The following SCN7A variants were observed in gnomAD, a reference collection of about 807,000 sequenced individuals.
SCN7A encodes sodium voltage-gated channel alpha subunit 7.
A neutral mutation model predicts 155.2 loss-of-function variants in SCN7A; 138 were observed. That is an observed-to-expected ratio of 0.89 (90% CI 0.77 to 1.02). SCN7A has a LOEUF of 1.02. SCN7A is among the 50% of genes least tolerant of loss of function. SCN7A has a pLI of 0.00. For missense variants in SCN7A, 2,058 were observed against 1,986.6 expected (o/e 1.04, Z -0.68); for synonymous variants, 693 against 649.0 (o/e 1.07, Z -1.03).
At chr2:166,478,279 C>A (rs997944391) in intron 2 of SCN7A, among the ~76,000 whole-genome samples, 1 of 150,110 alleles carries the variant, frequency 6.7e-6, no homozygotes, top group Non-Finnish European at 1.5e-5. Context: ...TGCACGTATA[C>A]CCTAGAACTT....
intron 21 of SCN7A, among the ~76,000 whole-genome samples, chr2:166,414,160 ATATAT>A (rs1211226071): frequency 1.0e-4 from 6 of 59,736 alleles, no homozygotes; most frequent in Non-Finnish European, 1.5e-4. Flanking sequence ...AATATATATA[ATATAT>A]TATATATATG....
chr2:166,412,977 T>C, intron 22 of SCN7A, 91 bp downstream of exon 22: 1 of 957,002 alleles, frequency 1.0e-6, no homozygotes, highest in Non-Finnish European at 1.6e-6. Context: ...GCATTTGATT[T>C]CTATTCATTA....
intron 1 of SCN7A, among the ~76,000 whole-genome samples, chr2:166,488,434 G>A (rs971119390): frequency 5.9e-5 from 9 of 152,026 alleles, no homozygotes; most frequent in Admixed American, 1.3e-4. Flanking sequence ...TGAAGCTAAC[G>A]AAATTCTAAA....
chr2:166,413,177 T>G (rs979333809), intron 21 of SCN7A, 56 bp from the exon 22 acceptor site: 1 of 1,057,860 alleles, frequency 9.5e-7, no homozygotes, highest in Non-Finnish European at 1.4e-6. Context: ...AAAAGTAAAA[T>G]CTCAGTCTCT....
At chr2:166,462,706 G>A (rs932227140) in intron 9 of SCN7A, among the ~76,000 whole-genome samples, 176 bp from the exon 10 acceptor site, 1 of 152,166 alleles carries the variant, frequency 6.6e-6, no homozygotes, top group South Asian at 2.1e-4. Flanking sequence ...TAGATTATAA[G>A]TTGATACAGT....
chr2:166,462,968 A>ATAAAATACC (rs1702447942), intron 9 of SCN7A, among the ~76,000 whole-genome samples: 1 of 152,190 alleles, frequency 6.6e-6, no homozygotes, highest in Admixed American at 6.5e-5. Flanking sequence ...TTTTTCAAGA[A>ATAAAATACC]TAAAATACCT....
intron 11 of SCN7A, among the ~76,000 whole-genome samples, chr2:166,448,546 G>C (rs1702113900): frequency 6.6e-6 from 1 of 152,056 alleles, no homozygotes; most frequent in African/African-American, 2.4e-5. Flanking sequence ...TTCCATAATG[G>C]CTGTACTAAC....
intron 7 of SCN7A, among the ~76,000 whole-genome samples, chr2:166,466,718 C>T (rs962948115): frequency 2.6e-5 from 4 of 151,848 alleles, no homozygotes; most frequent in African/African-American, 9.7e-5. Flanking sequence ...CTCTTATTTG[C>T]TAGTCTGTGT....
At chr2:166,434,382 T>C (rs953668611) in intron 15 of SCN7A, among the ~76,000 whole-genome samples, 8 of 151,976 alleles carry the variant, frequency 5.3e-5, no homozygotes, top group Non-Finnish European at 1.0e-4. Context: ...TATATCAATA[T>C]GGGAAATGTT....
chr2:166,480,030 C>A (rs1004232846), intron 2 of SCN7A, among the ~76,000 whole-genome samples: 1 of 152,182 alleles, frequency 6.6e-6, no homozygotes, highest in Non-Finnish European at 1.5e-5. Flanking sequence ...CACACATATA[C>A]AAACATGCAT....
At chr2:166,423,806 C>T (rs1701563500) in intron 18 of SCN7A, among the ~76,000 whole-genome samples, 1 of 151,962 alleles carries the variant, frequency 6.6e-6, no homozygotes, top group Admixed American at 6.6e-5. Context: ...TCCAGGTAGC[C>T]AACTCACAGA....
chr2:166,417,147 C>G (rs1701396867), intron 20 of SCN7A, among the ~76,000 whole-genome samples, 162 bp from the exon 21 acceptor site: 1 of 152,090 alleles, frequency 6.6e-6, no homozygotes, highest in African/African-American at 2.4e-5. Flanking sequence ...ACTGGAATAA[C>G]CTAAATAGCA....
chr2:166,445,429 C>T (rs897219050), intron 12 of SCN7A, among the ~76,000 whole-genome samples: 7 of 151,846 alleles, frequency 4.6e-5, no homozygotes, highest in Non-Finnish European at 7.4e-5. Context: ...AAAGTTCTAA[C>T]GAACTAATAG....
chr2:166,409,469 G>A (rs937238839), intron 25 of SCN7A, among the ~76,000 whole-genome samples, 196 bp downstream of exon 25: 1 of 151,930 alleles, frequency 6.6e-6, no homozygotes, highest in South Asian at 2.1e-4. Context: ...ATCTCTATTA[G>A]GCATGGGTGG....
intron 16 of SCN7A, 57 bp from the exon 17 acceptor site, chr2:166,429,331 G>A (rs1701685968): frequency 9.6e-7 from 1 of 1,044,910 alleles, no homozygotes; most frequent in Admixed American, 2.8e-5. Context: ...TACCCATGGT[G>A]GCCAAAGTTT....
intron 8 of SCN7A, 54 bp from the exon 9 acceptor site, chr2:166,465,585 A>G: frequency 7.3e-7 from 1 of 1,369,166 alleles, no homozygotes; most frequent in Non-Finnish European, 1.0e-6. Context: ...TTAGCACCAC[A>G]GTAGAAGTCC....
In SCN7A at chr2:166,465,513, TA is replaced by T. The variant is rs1559119711; in HGVS notation, c.889del (p.Tyr297IlefsTer27). ...GAGAGCATATCTTTCTCCTTCCAAATAATAAAAGTTTTCTGTTTCTGAAAAA... is the reference window on the plus strand; with the variant it reads ...GAGAGCATATCTTTCTCCTTCCAAATATAAAAGTTTTCTGTTTCTGAAAAA... ...YYIRETENFY[Y>X]LEGERYALLC... is the part of the protein sequence containing the mutation. On this transcript the variant is annotated frameshift_variant, in exon 9 of 26. Coordinates refer to ENST00000643258, the MANE Select transcript of SCN7A (RefSeq NM_002976.4). LOFTEE classifies it high-confidence loss of function. 6.2e-7 allele frequency: 1 copy of T among 1,604,250 alleles called. No individual in the cohort carries two copies. The highest frequency in any genetic ancestry group is 1.1e-5 in the South Asian group (1 of 89,148).
chr2:166,411,666 A>G (rs1215722196), intron 23 of SCN7A, among the ~76,000 whole-genome samples: 3 of 152,042 alleles, frequency 2.0e-5, no homozygotes, highest in Non-Finnish European at 4.4e-5. Flanking sequence ...ACAGTGCATG[A>G]TAAGTCTTAG....
intron 10 of SCN7A, among the ~76,000 whole-genome samples, chr2:166,460,682 G>A (rs1297522014): frequency 6.6e-6 from 1 of 152,064 alleles, no homozygotes; most frequent in Non-Finnish European, 1.5e-5. Context: ...CTTAAATTTA[G>A]GGAGAGGGTA....
Sources: allele counts gnomAD v4.1 joint callset (sites outside exome capture counted in the v4.1 genomes callset), GRCh38; gene constraint gnomAD v4.1.1; transcripts MANE v1.5; gene names NCBI Gene and HGNC (gene_info 2026-07-23, HGNC 2026-07-21).